Variants in BAIAP2L1 observed in about 807,000 individuals in gnomAD.
The protein encoded by BAIAP2L1 is BAR/IMD domain containing adaptor protein 2 like 1.
BAIAP2L1 carries 35 observed loss-of-function variants against 66.3 expected under a neutral mutation model. That is an observed-to-expected ratio of 0.53 (90% confidence interval 0.40 to 0.70). The LOEUF (loss-of-function observed/expected upper bound fraction) is 0.70, where lower values mean the gene tolerates loss of function less well. Among genes scored for constraint, BAIAP2L1 ranks in the 30% least tolerant of loss-of-function variants. BAIAP2L1 has a pLI of 0.00. For missense variants in BAIAP2L1, 622 were observed against 656.9 expected (o/e 0.95, Z 0.58); for synonymous variants, 269 against 248.7 (o/e 1.08, Z -0.77).
rs770506372 is a variant in BAIAP2L1, at chr7:98,310,541, C to CG, written c.858dup (p.Ala287ArgfsTer16). ...CTGGTATATGCTCTGCCTGAAGGAG[C>CG]GGGGGGCATCTTTGGTGAGCATTTA... On this transcript the variant is annotated frameshift_variant, in exon 9 of 14. Transcript: ENST00000005260. LOFTEE classifies it high-confidence loss of function. The CG allele has an allele frequency of 5.0e-6, 8 of 1,594,626 alleles. No homozygotes were observed. Among genetic ancestry groups the CG allele is most frequent in the African/African-American group, 4.1e-5 (3 of 73,668 alleles).
chr7:98,349,645 G>A (rs570378191), intron 3 of BAIAP2L1, among the ~76,000 whole-genome samples: 1 of 151,908 alleles, frequency 6.6e-6, no homozygotes, highest in South Asian at 2.1e-4. Context: ...GGCCGAGGCA[G>A]GTGGATTACC....
chr7:98,311,951 C>T, intron 8 of BAIAP2L1, 146 bp downstream of exon 8: 1 of 778,804 alleles, frequency 1.3e-6, no homozygotes, highest in Non-Finnish European at 2.0e-6. Flanking sequence ...TACCTTCGCC[C>T]CTAAAGGTAA....
intron 12 of BAIAP2L1, among the ~76,000 whole-genome samples, chr7:98,301,563 C>T (rs1800424590): frequency 6.6e-6 from 1 of 151,742 alleles, no homozygotes; most frequent in Non-Finnish European, 1.5e-5. Flanking sequence ...GTGATCCGCC[C>T]ACTTCGGACT....
intron 3 of BAIAP2L1, among the ~76,000 whole-genome samples, chr7:98,341,513 A>T (rs187827976): frequency 6.6e-6 from 1 of 152,180 alleles, no homozygotes; most frequent in East Asian, 1.9e-4. Flanking sequence ...AAAGACCCCC[A>T]TCTCTAAAAA....
intron 3 of BAIAP2L1, among the ~76,000 whole-genome samples, chr7:98,330,424 G>C (rs1011003109): frequency 1.3e-5 from 2 of 152,176 alleles, no homozygotes; most frequent in Non-Finnish European, 2.9e-5. Flanking sequence ...TTGGGAGACC[G>C]AGGCGGGCGG....
intron 3 of BAIAP2L1, among the ~76,000 whole-genome samples, chr7:98,330,298 G>C (rs1801464306): frequency 6.6e-6 from 1 of 152,196 alleles, no homozygotes; most frequent in South Asian, 2.1e-4. Context: ...TGGAAGCAGA[G>C]AGATGATGTG....
intron 1 of BAIAP2L1, among the ~76,000 whole-genome samples, chr7:98,378,052 G>A (rs1802674703): frequency 2.0e-5 from 3 of 151,756 alleles, no homozygotes; most frequent in African/African-American, 7.3e-5. Context: ...GGGAAGCTGA[G>A]ACAGGAGAAT....
intron 7 of BAIAP2L1, among the ~76,000 whole-genome samples, chr7:98,313,294 C>G (rs552609016): frequency 6.6e-6 from 1 of 152,244 alleles, no homozygotes; most frequent in Admixed American, 6.5e-5. Flanking sequence ...GAAGAAACTT[C>G]CAGCATAGAA....
intron 3 of BAIAP2L1, among the ~76,000 whole-genome samples, chr7:98,340,387 A>T (rs1801712436): frequency 6.6e-6 from 1 of 152,114 alleles, no homozygotes; most frequent in African/African-American, 2.4e-5. Context: ...TCCCGGGTTC[A>T]CGCCATTCTC....
chr7:98,355,306 C>T, intron 2 of BAIAP2L1, 178 bp from the exon 3 acceptor site: 1 of 612,220 alleles, frequency 1.6e-6, no homozygotes, highest in African/African-American at 1.8e-5. Flanking sequence ...TGGAGGCCCT[C>T]CAGCCAAGGG....
intron 1 of BAIAP2L1, among the ~76,000 whole-genome samples, chr7:98,388,596 C>T (rs1345416274): frequency 6.6e-6 from 1 of 152,232 alleles, no homozygotes; most frequent in African/African-American, 2.4e-5. Flanking sequence ...TACTGTCAGA[C>T]ATAACTGATG....
intron 1 of BAIAP2L1, among the ~76,000 whole-genome samples, chr7:98,378,694 G>A (rs913372065): frequency 1.3e-5 from 2 of 152,106 alleles, no homozygotes; most frequent in African/African-American, 4.8e-5. Flanking sequence ...GGAGTACAGT[G>A]GCATGACCTC....
chr7:98,363,224 G>C (rs1189058855), intron 1 of BAIAP2L1, among the ~76,000 whole-genome samples: 2 of 151,666 alleles, frequency 1.3e-5, no homozygotes, highest in African/African-American at 4.8e-5. Flanking sequence ...TAGTAGAGGC[G>C]GGGTTTCACC....
intron 12 of BAIAP2L1, among the ~76,000 whole-genome samples, chr7:98,302,941 T>C (rs529477070): frequency 6.6e-6 from 1 of 152,258 alleles, no homozygotes; most frequent in Non-Finnish European, 1.5e-5. Context: ...TGTGCCACCG[T>C]ACCTGGCTAA....
chr7:98,294,246 G>A (rs1177918030), intron 12 of BAIAP2L1, 135 bp from the exon 13 acceptor site: 1 of 840,440 alleles, frequency 1.2e-6, no homozygotes, highest in Non-Finnish European at 1.9e-6. Flanking sequence ...TTCCACCTTG[G>A]CCTCCTAATG....
Position 98,384,786 on chromosome 7 carries a change from C to A in BAIAP2L1, c.51+16016G>T, listed in dbSNP as rs1395366603. On this transcript the variant is annotated intron_variant, in intron 1 of 13. Transcript: ENST00000005260. ...CGATCTCGGCTCACTGCAACCTCGGCCTCCCAGGTTCAAGCGATTCTCCTG... is the reference window on the plus strand; with the variant it reads ...CGATCTCGGCTCACTGCAACCTCGGACTCCCAGGTTCAAGCGATTCTCCTG... 2.7e-5 allele frequency among the ~76,000 whole-genome samples: 4 copies of A among 149,034 alleles called. 1 individual carries two copies. The highest frequency in any genetic ancestry group is 9.8e-5 in the African/African-American group (4 of 40,646).
intron 3 of BAIAP2L1, among the ~76,000 whole-genome samples, chr7:98,345,487 G>A (rs965033564): frequency 1.3e-5 from 2 of 152,116 alleles, no homozygotes; most frequent in African/African-American, 4.8e-5. Context: ...CACTCTGGGA[G>A]GCCGAGGCGG....
chr7:98,301,492 T>TATATATATAC (rs1427972128), intron 12 of BAIAP2L1, among the ~76,000 whole-genome samples: 2 of 150,236 alleles, frequency 1.3e-5, no homozygotes, highest in African/African-American at 4.9e-5. Flanking sequence ...TATATATATA[T>TATATATATAC]ATTTTAAGTG....
At chr7:98,314,428 C>T (rs1800995501) in intron 7 of BAIAP2L1, among the ~76,000 whole-genome samples, 1 of 152,220 alleles carries the variant, frequency 6.6e-6, no homozygotes, top group South Asian at 2.1e-4. Context: ...GGAACACTCT[C>T]TAACTTTACT....
Sources: allele counts gnomAD v4.1 joint callset (sites outside exome capture counted in the v4.1 genomes callset), GRCh38; gene constraint gnomAD v4.1.1; transcripts MANE v1.5; gene names NCBI Gene and HGNC (gene_info 2026-07-23, HGNC 2026-07-21).